Variants in MARK1 observed in about 807,000 individuals in gnomAD.
MARK1 encodes serine/threonine-protein kinase MARK1.
MARK1 carries 40 observed loss-of-function variants against 96.3 expected under a neutral mutation model. That is an observed-to-expected ratio of 0.42 (90% CI 0.32 to 0.54). The LOEUF (loss-of-function observed/expected upper bound fraction) is 0.54, where lower values mean the gene tolerates loss of function less well. Among genes scored for constraint, MARK1 ranks in the 20% least tolerant of loss-of-function variants. MARK1 has a pLI of 0.16. For missense variants in MARK1, 719 were observed against 984.6 expected (o/e 0.73, Z 3.61); for synonymous variants, 317 against 341.2 (o/e 0.93, Z 0.78).
intron 14 of MARK1, among the ~76,000 whole-genome samples, chr1:220,651,418 A>G (rs74139799): frequency 0.011 from 1,712 of 152,316 alleles, 26 homozygotes; most frequent in African/African-American, 0.039. Flanking sequence ...AGAAAAATGT[A>G]TCTTCTTTGG....
At chr1:220,567,483 T>G (rs1321780608) in intron 1 of MARK1, among the ~76,000 whole-genome samples, 1 of 152,146 alleles carries the variant, frequency 6.6e-6, no homozygotes, top group Non-Finnish European at 1.5e-5. Flanking sequence ...GTGGTAAGCC[T>G]TTTCACATTA....
chr1:220,638,851 T>A (rs1365168493), intron 13 of MARK1, among the ~76,000 whole-genome samples: 2 of 152,222 alleles, frequency 1.3e-5, no homozygotes, highest in Non-Finnish European at 2.9e-5. Flanking sequence ...GTAAAATTAA[T>A]CATCTCCTCT....
chr1:220,649,838 A>G (rs1668776766), intron 13 of MARK1, among the ~76,000 whole-genome samples: 1 of 152,198 alleles, frequency 6.6e-6, no homozygotes, highest in Non-Finnish European at 1.5e-5. Flanking sequence ...TCTGTTGGGT[A>G]AGGATTAAAC....
At chr1:220,626,117 A>G in intron 9 of MARK1, 1 of 617,850 alleles carries the variant, frequency 1.6e-6, no homozygotes, top group Admixed American at 2.0e-5. Flanking sequence ...AATAAGCAGC[A>G]GATAGACATC....
rs559489305 is a variant in MARK1 at position 220,616,205 on chromosome 1, A to G, written c.552+210A>G. Among the ~76,000 whole-genome samples, 3 of 152,334 alleles carry G rather than the reference A, an allele frequency of 2.0e-5. No homozygotes were observed. In the South Asian group the frequency reaches 6.2e-4, roughly 32 times the overall value. On this transcript the variant is annotated intron_variant, in intron 7 of 17. Coordinates refer to ENST00000366917, the MANE Select transcript of MARK1 (RefSeq NM_018650.5). ...TATGAGTGATAAGTTTTCTAGCTTT[A>G]GAAGTTAGACGATTTGATTCACTAT...
Position 220,581,137 on chromosome 1 carries a change from A to T in MARK1, c.309+19A>T. The stretch of plus-strand genomic sequence containing the variant: ...ACAAAAGGTATTTAATTAATTTAAT[A>T]AGTAATTAAAATGTGAGTTTATCAT... On this transcript the variant is annotated intron_variant, in intron 3 of 17. Transcript: ENST00000366917. The T allele has an allele frequency of 1.1e-6, 1 of 937,250 alleles. No homozygotes were observed. Among genetic ancestry groups the T allele is most frequent in the Non-Finnish European group, 1.5e-6 (1 of 672,442 alleles). 58.1% of individuals were successfully genotyped at this position (937,250 alleles called of 1,614,324 possible). A position where few individuals can be genotyped will look rare whatever the true frequency, so the allele number is the denominator to read the frequency against.
rs188900488 is a variant in MARK1 at position 220,623,820 on chromosome 1, T to C, written c.909+5065T>C. Reference sequence around the variant, plus strand: ...GTGTGCTTAGTAAAAGAAGGGTGCCTCCTCACTGTTCCTCACATCCTTCTG... The same window carrying C: ...GTGTGCTTAGTAAAAGAAGGGTGCCCCCTCACTGTTCCTCACATCCTTCTG... On this transcript the variant is annotated intron_variant, in intron 9 of 17. Coordinates refer to ENST00000366917, the MANE Select transcript of MARK1 (RefSeq NM_018650.5). Among the ~76,000 whole-genome samples, 224 of 152,282 alleles carry C rather than the reference T, an allele frequency of 1.5e-3. 2 individuals are homozygous for C. Among genetic ancestry groups the C allele is most frequent in the African/African-American group, 5.2e-3 (215 of 41,564 alleles).
At position 220,551,963 on chromosome 1, in the gene MARK1, G is replaced by C. The variant is rs953861776; in HGVS notation, c.51+23090G>C. Among the ~76,000 whole-genome samples, 39 of 152,254 alleles carry C rather than the reference G, an allele frequency of 2.6e-4. 1 individual carries two copies. The highest frequency in any genetic ancestry group is 9.4e-4 in the African/African-American group (39 of 41,546). ...GCCATCAGAAGTCTTGCCTGCACTG[G>C]GTTATTGCAGTTTTCCATTGCCTTA... On this transcript the variant is annotated intron_variant, in intron 1 of 17. Coordinates refer to ENST00000366917, the MANE Select transcript of MARK1 (RefSeq NM_018650.5).
chr1:220,589,663 C>T (rs1486574159), intron 3 of MARK1, among the ~76,000 whole-genome samples: 1 of 152,194 alleles, frequency 6.6e-6, no homozygotes, highest in Non-Finnish European at 1.5e-5. Flanking sequence ...GTCTAGCAAA[C>T]TCTGGCCTTA....
chr1:220,663,452 T>C lies in MARK1; in HGVS notation c.*1286T>C, dbSNP rs554028170. The C allele has an allele frequency of 6.5e-6, 1 of 152,752 alleles. No individual in the cohort carries two copies. Among genetic ancestry groups the C allele is most frequent in the East Asian group, 1.9e-4 (1 of 5,184 alleles). 9.5% of individuals were successfully genotyped at this position (152,752 alleles called of 1,614,324 possible). ...ACTAGTAAAGGTACATTTTAATACT[T>C]GTTATTTTATACTGAATTAGCCTTG... On this transcript the variant is annotated 3_prime_UTR_variant, in exon 18 of 18. Coordinates refer to ENST00000366917, the MANE Select transcript of MARK1 (RefSeq NM_018650.5).
chr1:220,540,534 C>A (rs1385200593), intron 1 of MARK1, among the ~76,000 whole-genome samples: 2 of 152,086 alleles, frequency 1.3e-5, no homozygotes, highest in Non-Finnish European at 2.9e-5. Flanking sequence ...ATTCCTCAGC[C>A]CAGTCAAATT....
At chr1:220,562,777 A>G (rs1230292014) in intron 1 of MARK1, among the ~76,000 whole-genome samples, 3 of 152,208 alleles carry the variant, frequency 2.0e-5, no homozygotes, top group African/African-American at 7.2e-5. Context: ...ACTTTAAAGC[A>G]TCTTTAGATT....
At chr1:220,649,795 G>T (rs1046797298) in intron 13 of MARK1, among the ~76,000 whole-genome samples, 1 of 152,116 alleles carries the variant, frequency 6.6e-6, no homozygotes, top group Non-Finnish European at 1.5e-5. Flanking sequence ...TATTTTAAAT[G>T]CTGGGTTAGT....
intron 4 of MARK1, among the ~76,000 whole-genome samples, chr1:220,599,572 A>G (rs1420399929): frequency 6.6e-6 from 1 of 152,162 alleles, no homozygotes; most frequent in East Asian, 1.9e-4. Flanking sequence ...AATCCTAGAA[A>G]CTTAACTTTT....
chr1:220,580,680 A>G (rs1229065761), intron 2 of MARK1, among the ~76,000 whole-genome samples: 3 of 152,160 alleles, frequency 2.0e-5, no homozygotes, highest in Admixed American at 1.3e-4. Flanking sequence ...TGGATATCCA[A>G]TCTCTCTACC....
chr1:220,589,398 A>G (rs1205044868), intron 3 of MARK1, among the ~76,000 whole-genome samples: 1 of 152,238 alleles, frequency 6.6e-6, no homozygotes, highest in Non-Finnish European at 1.5e-5. Context: ...GAAAAGGAAA[A>G]TGCACATAAT....
intron 1 of MARK1, among the ~76,000 whole-genome samples, chr1:220,568,733 A>G (rs978372674): frequency 6.6e-6 from 1 of 152,192 alleles, no homozygotes; most frequent in Non-Finnish European, 1.5e-5. Flanking sequence ...TTATTGAAGC[A>G]TGTGCATGGA....
At chr1:220,633,094 A>G (rs1475243333) in intron 11 of MARK1, among the ~76,000 whole-genome samples, 1 of 152,090 alleles carries the variant, frequency 6.6e-6, no homozygotes, top group African/African-American at 2.4e-5. Flanking sequence ...TCTTTTAAAT[A>G]ACCAGATCTA....
At chr1:220,586,787 T>C (rs1415375903) in intron 3 of MARK1, among the ~76,000 whole-genome samples, 3 of 152,250 alleles carry the variant, frequency 2.0e-5, no homozygotes, top group Admixed American at 2.0e-4. Flanking sequence ...CTGGCTGTTT[T>C]AAAAGTCACA....
Sources: allele counts gnomAD v4.1 joint callset (sites outside exome capture counted in the v4.1 genomes callset), GRCh38; gene constraint gnomAD v4.1.1; transcripts MANE v1.5; gene names NCBI Gene and HGNC (gene_info 2026-07-23, HGNC 2026-07-21).